RAI14: variants seen among roughly 807,000 people sequenced by gnomAD.
RAI14 encodes the protein ankycorbin.
In RAI14, 45 loss-of-function variants were observed where a neutral mutation model predicts 115.4. The ratio of observed to expected loss-of-function variants is 0.39; its 90% CI spans 0.31 to 0.50. The LOEUF (loss-of-function observed/expected upper bound fraction) is 0.50. Ranked by LOEUF, RAI14 falls within the 20% of genes least tolerant of loss-of-function variation. RAI14 has a pLI of 0.85. For synonymous variants in RAI14, 371 were observed against 415.4 expected, an observed-to-expected ratio of 0.89 and a Z score of 1.30; for missense variants, 939 against 1,131.2, an observed-to-expected ratio of 0.83 and a Z score of 2.44.
At chr5:34,739,437 A>C (rs1199065380) in intron 2 of RAI14, among the ~76,000 whole-genome samples, 1 of 152,202 alleles carries the variant, frequency 6.6e-6, no homozygotes, top group African/African-American at 2.4e-5. Context: ...TTCTAATGCT[A>C]GTATAAAGAG....
At chr5:34,669,463 A>C (rs1743469590) in intron 1 of RAI14, among the ~76,000 whole-genome samples, 1 of 152,196 alleles carries the variant, frequency 6.6e-6, no homozygotes, top group Non-Finnish European at 1.5e-5. Flanking sequence ...CTCTTTGACC[A>C]AATAAATTGA....
chr5:34,767,279 C>G (rs1014620102), intron 3 of RAI14, among the ~76,000 whole-genome samples: 3 of 152,182 alleles, frequency 2.0e-5, no homozygotes, highest in African/African-American at 7.2e-5. Context: ...TTTCCTCTCT[C>G]TGTTCCCTCC....
In RAI14 at chr5:34,823,395, A is replaced by T. The variant is rs1195787008; in HGVS notation, c.1553A>T (p.Asn518Ile). 1 of 1,614,144 alleles carries T rather than the reference A, an allele frequency of 6.2e-7. No individual in the cohort carries two copies. The change falls in exon 15 of 18, where the codon AAT becomes ATT. Residue 518 changes from asparagine to isoleucine, a missense_variant. Coordinates refer to ENST00000265109, the MANE Select transcript of RAI14 (RefSeq NM_015577.3). The surrounding 1 kb of genome is among the most constrained non-coding windows in gnomAD (Gnocchi z 4.5). ...CTTGTCTCACCTGAAAGCATGGATA[A>T]TTATTCACATTTCCACGAGCTGAGG... Reference protein sequence around the residue: ...LGLVSPESMDNYSHFHELRVT... With the variant: ...LGLVSPESMDIYSHFHELRVT...
intron 3 of RAI14, among the ~76,000 whole-genome samples, chr5:34,761,223 G>C (rs2150103973): frequency 6.6e-6 from 1 of 152,296 alleles, no homozygotes; most frequent in African/African-American, 2.4e-5. Context: ...GTCTCACTCT[G>C]TCACCCAGGC....
chr5:34,759,065 C>G (rs976362520), intron 3 of RAI14, among the ~76,000 whole-genome samples: 1 of 152,122 alleles, frequency 6.6e-6, no homozygotes, highest in African/African-American at 2.4e-5. Flanking sequence ...GAGTTCAAGA[C>G]CAGCCTGGCC....
intron 3 of RAI14, among the ~76,000 whole-genome samples, chr5:34,795,399 C>T (rs1209840612): frequency 6.6e-6 from 1 of 152,218 alleles, no homozygotes; most frequent in Non-Finnish European, 1.5e-5. Context: ...GCTTGACCCA[C>T]ATTAGGCACT....
At chr5:34,806,950 C>T (rs962947859) in intron 5 of RAI14, among the ~76,000 whole-genome samples, 8 of 152,170 alleles carry the variant, frequency 5.3e-5, no homozygotes, top group African/African-American at 1.9e-4. Flanking sequence ...CTTTTTTGTG[C>T]CTCCGTTTCT....
In RAI14 at chr5:34,814,654, T is replaced by C. The variant is rs149123037; in HGVS notation, c.924T>C (p.Ala308=). Residue 308 remains alanine, a synonymous_variant, in exon 12 of 18, where the codon GCT becomes GCC. Coordinates refer to ENST00000265109, the MANE Select transcript of RAI14 (RefSeq NM_015577.3). ...PLSGKESVFF[A]EPPFKAEISS... ...CGGGAAAGGAATCGGTATTTTTTGC[T>C]GAACCACCCTTCAAGGTATTTCCTT... is the stretch of plus-strand genomic sequence containing the variant. 161 of 1,609,824 alleles carry C rather than the reference T, an allele frequency of 1.0e-4. 1 individual carries two copies. Among genetic ancestry groups the C allele is most frequent in the Non-Finnish European group, 1.3e-4 (151 of 1,176,250 alleles).
chr5:34,763,122 A>T (rs1021025412), intron 3 of RAI14, among the ~76,000 whole-genome samples: 2 of 152,122 alleles, frequency 1.3e-5, no homozygotes, highest in Non-Finnish European at 2.9e-5. Context: ...TTTAGAAATC[A>T]CTATAATAAG....
chr5:34,760,268 C>T (rs564423677), intron 3 of RAI14, among the ~76,000 whole-genome samples: 7 of 152,178 alleles, frequency 4.6e-5, no homozygotes, highest in East Asian at 3.9e-4. Flanking sequence ...AGGATGGTCT[C>T]GATCTCCTGA....
At chr5:34,722,151 C>CA (rs1561277688) in intron 2 of RAI14, among the ~76,000 whole-genome samples, 2 of 1,706 alleles carry the variant, frequency 1.2e-3, no homozygotes, top group Non-Finnish European at 1.8e-3. Flanking sequence ...GTTGTGGCCC[C>CA]GCCCACCCCC....
chr5:34,756,199 G>C (rs908160466), intron 2 of RAI14, among the ~76,000 whole-genome samples: 18 of 152,270 alleles, frequency 1.2e-4, no homozygotes, highest in African/African-American at 3.9e-4. Context: ...AGACTTGTTG[G>C]GTTTCCTCAT....
intron 2 of RAI14, among the ~76,000 whole-genome samples, chr5:34,745,983 GA>G (rs1746134059): frequency 1.3e-5 from 2 of 151,720 alleles, no homozygotes; most frequent in South Asian, 4.2e-4. Context: ...TTCAGAGGTA[GA>G]ACACGACCCC....
chr5:34,762,732 G>A (rs1220240691), intron 3 of RAI14, among the ~76,000 whole-genome samples: 1 of 152,070 alleles, frequency 6.6e-6, no homozygotes, highest in African/African-American at 2.4e-5. Flanking sequence ...AGTGGGAGGA[G>A]GTCAATGTCC....
intron 3 of RAI14, among the ~76,000 whole-genome samples, chr5:34,758,078 TTGTG>T (rs1484142006): frequency 6.6e-6 from 1 of 152,194 alleles, no homozygotes. Context: ...GATTAAGTAT[TTGTG>T]TGTGTTTGTG....
At chr5:34,744,441 C>G (rs1251362956) in intron 2 of RAI14, among the ~76,000 whole-genome samples, 1 of 152,114 alleles carries the variant, frequency 6.6e-6, no homozygotes, top group Non-Finnish European at 1.5e-5. Flanking sequence ...TTATTCAGAC[C>G]TCAGAGTTCC....
At chr5:34,717,138 A>G (rs1742098041) in intron 2 of RAI14, among the ~76,000 whole-genome samples, 1 of 152,144 alleles carries the variant, frequency 6.6e-6, no homozygotes, top group Admixed American at 6.5e-5. Flanking sequence ...GTAGGATAAA[A>G]CACATGCATT....
intron 3 of RAI14, among the ~76,000 whole-genome samples, chr5:34,767,000 A>AGTTG (rs1749472068): frequency 6.6e-6 from 1 of 152,014 alleles, no homozygotes; most frequent in South Asian, 2.1e-4. Flanking sequence ...TCTTGCCACC[A>AGTTG]CCAAGTAAGA....
At chr5:34,686,621 TTTTA>T (rs1744907807) in intron 1 of RAI14, among the ~76,000 whole-genome samples, 3 of 152,298 alleles carry the variant, frequency 2.0e-5, no homozygotes, top group East Asian at 3.9e-4. Context: ...TATATACAAT[TTTTA>T]TTTGTCAATT....
Sources: gnomAD v4.1 joint callset for allele counts (sites outside exome capture counted in the v4.1 genomes callset) on GRCh38, gnomAD v4.1.1 for gene constraint, Gnocchi (gnomAD v3.1) non-coding constraint, MANE v1.5 for transcripts, NCBI Gene and HGNC (gene_info 2026-07-23, HGNC 2026-07-21) for gene names.